CACNA2D3: variants seen among roughly 807,000 people sequenced by gnomAD.
CACNA2D3 encodes the protein calcium voltage-gated channel auxiliary subunit alpha2delta 3, also known as voltage-dependent calcium channel subunit alpha-2/delta-3.
A neutral mutation model predicts 160.6 loss-of-function variants in CACNA2D3; 60 were observed. The observed-to-expected ratio is 0.37, with a 90% CI of 0.30 to 0.46. CACNA2D3 has a LOEUF of 0.46. CACNA2D3 is among the 20% of genes least tolerant of loss of function. CACNA2D3 has a pLI of 1.00. For missense variants in CACNA2D3, 1,205 were observed against 1,365.0 expected, an observed-to-expected ratio of 0.88 and a Z score of 1.85; for synonymous variants, 558 against 492.9, an observed-to-expected ratio of 1.13 and a Z score of -1.75.
chr3:54,318,530 C>G (rs1340065893), intron 2 of CACNA2D3, among the ~76,000 whole-genome samples: 1 of 151,944 alleles, frequency 6.6e-6, no homozygotes, highest in Non-Finnish European at 1.5e-5. Flanking sequence ...TTTCCAGGGT[C>G]AACTTAATGC....
intron 13 of CACNA2D3, among the ~76,000 whole-genome samples, chr3:54,783,654 A>G (rs1295590761): frequency 6.6e-6 from 1 of 151,912 alleles, no homozygotes; most frequent in African/African-American, 2.4e-5. Flanking sequence ...AAATAATGAA[A>G]ACTCTGGAAC....
chr3:54,944,991 C>T (rs895069428), intron 27 of CACNA2D3, among the ~76,000 whole-genome samples: 1 of 152,154 alleles, frequency 6.6e-6, no homozygotes, highest in Non-Finnish European at 1.5e-5. Context: ...CACAAATAGA[C>T]TTTACTATTG....
chr3:54,143,260 T>A (rs1390669622), intron 2 of CACNA2D3, among the ~76,000 whole-genome samples: 1 of 152,218 alleles, frequency 6.6e-6, no homozygotes, highest in Non-Finnish European at 1.5e-5. Flanking sequence ...CAGGTGTGGA[T>A]GTTTTGTATG....
chr3:54,228,420 T>A (rs1701711822), intron 2 of CACNA2D3, among the ~76,000 whole-genome samples: 1 of 152,234 alleles, frequency 6.6e-6, no homozygotes, highest in Admixed American at 6.5e-5. Flanking sequence ...ACAGAATGCA[T>A]ATGAATCACC....
intron 1 of CACNA2D3, 186 bp from the exon 2 acceptor site, chr3:54,123,327 G>T: frequency 1.7e-6 from 1 of 594,168 alleles, no homozygotes; most frequent in Non-Finnish European, 3.0e-6. Flanking sequence ...GCCCCCTCCC[G>T]CGCTGCGCTT....
chr3:54,267,899 A>G (rs1045360848), intron 2 of CACNA2D3, among the ~76,000 whole-genome samples: 22 of 152,172 alleles, frequency 1.4e-4, no homozygotes, highest in Admixed American at 1.0e-3. Context: ...GCTTAAGCTA[A>G]TGGCACTAAA....
In CACNA2D3 at chr3:55,074,212, ACTGAGATGTTCTCTTACTG is replaced by A; in HGVS notation, c.*7_*25del. ...TGATGCTCTTCTCAAGGTGACACTGACTGAGATGTTCTCTTACTGACTGAGATGTTCTCTTGGCATGCTA... is the reference window on the plus strand; with the variant it reads ...TGATGCTCTTCTCAAGGTGACACTGAACTGAGATGTTCTCTTGGCATGCTA... On this transcript the variant is annotated 3_prime_UTR_variant, in exon 38 of 38. Coordinates refer to ENST00000474759, the MANE Select transcript of CACNA2D3 (RefSeq NM_018398.3). The A allele has an allele frequency of 9.8e-7, 1 of 1,021,682 alleles. No homozygotes were observed. The highest frequency in any genetic ancestry group is 1.4e-6 in the Non-Finnish European group (1 of 711,366). 63.3% of individuals were successfully genotyped at this position (1,021,682 alleles called of 1,614,324 possible). A position where few individuals can be genotyped will look rare whatever the true frequency, so the allele number is the denominator to read the frequency against.
chr3:55,033,959 T>A (rs1158675712), intron 35 of CACNA2D3, among the ~76,000 whole-genome samples: 1 of 147,374 alleles, frequency 6.8e-6, no homozygotes, highest in Non-Finnish European at 1.5e-5. Context: ...TGGGGAATGT[T>A]TTCATTTAAT....
rs151179704 is a variant in CACNA2D3 at position 54,370,127 on chromosome 3, G to A, written c.322-16588G>A. 2.4e-3 allele frequency among the ~76,000 whole-genome samples: 364 copies of A among 152,262 alleles called. 3 individuals are homozygous for A. The highest frequency in any genetic ancestry group is 8.0e-3 in the African/African-American group (331 of 41,556). On this transcript the variant is annotated intron_variant, in intron 3 of 37. Transcript: ENST00000474759. ...TAAATTATTATAAGCCTTTCAAAATGTTGTTGCAAATCTATGATCTTTTTC... is the reference window on the plus strand; with the variant it reads ...TAAATTATTATAAGCCTTTCAAAATATTGTTGCAAATCTATGATCTTTTTC...
chr3:54,604,992 A>G (rs531724604), intron 9 of CACNA2D3, among the ~76,000 whole-genome samples: 2 of 152,288 alleles, frequency 1.3e-5, no homozygotes, highest in East Asian at 3.9e-4. Context: ...TCAAATTGTC[A>G]GCAGAGCCAA....
rs138914943 is a variant in CACNA2D3 at position 54,596,069 on chromosome 3, G to A, written c.963+14192G>A. Among the ~76,000 whole-genome samples, 5 of 152,218 alleles carry A rather than the reference G, an allele frequency of 3.3e-5. No homozygotes were observed. The East Asian group carries it at 5.8e-4, about 18-fold the overall frequency. ...GCGGGGGAAGAAGTATCCAGAGACA[G>A]CTTTCTCTTTCAGCACTCCTCATCC... On this transcript the variant is annotated intron_variant, in intron 9 of 37. Transcript: ENST00000474759.
chr3:54,998,127 CTTT>C (rs752805359), intron 31 of CACNA2D3, among the ~76,000 whole-genome samples: 9 of 126,968 alleles, frequency 7.1e-5, no homozygotes, highest in African/African-American at 8.9e-5. Context: ...TCAATTAATT[CTTT>C]TTTTTTTTTT....
At chr3:54,413,446 G>T (rs1227002593) in intron 4 of CACNA2D3, among the ~76,000 whole-genome samples, 2 of 145,564 alleles carry the variant, frequency 1.4e-5, no homozygotes, top group African/African-American at 5.1e-5. Flanking sequence ...ATATCTGCTT[G>T]CTCTGCTTGG....
intron 8 of CACNA2D3, among the ~76,000 whole-genome samples, chr3:54,575,772 G>C (rs932975806): frequency 5.9e-5 from 9 of 152,164 alleles, no homozygotes; most frequent in Admixed American, 5.9e-4. Flanking sequence ...AGATAAGTAG[G>C]CTAGCCAGGC....
chr3:54,179,373 G>T (rs1700738162), intron 2 of CACNA2D3, among the ~76,000 whole-genome samples: 1 of 152,096 alleles, frequency 6.6e-6, no homozygotes, highest in African/African-American at 2.4e-5. Flanking sequence ...AGCTCCTTCT[G>T]CAGGAATTCT....
At chr3:54,350,968 G>GGTTTTTTTTTTT (rs1698542647) in intron 3 of CACNA2D3, among the ~76,000 whole-genome samples, 3 of 56,106 alleles carry the variant, frequency 5.3e-5, no homozygotes, top group Non-Finnish European at 1.0e-4. Context: ...TCTTGAGTCT[G>GGTTTTTTTTTTT]TTTTTTTTTT....
At chr3:54,773,387 C>T (rs903913036) in intron 13 of CACNA2D3, among the ~76,000 whole-genome samples, 7 of 152,134 alleles carry the variant, frequency 4.6e-5, no homozygotes, top group African/African-American at 9.7e-5. Context: ...AAGTTCCAAT[C>T]GTCAAAACAA....
At chr3:54,960,763 G>T (rs1229935510) in intron 27 of CACNA2D3, among the ~76,000 whole-genome samples, 1 of 152,098 alleles carries the variant, frequency 6.6e-6, no homozygotes. Flanking sequence ...GATTTCAGTT[G>T]TCTTTTTTGT....
rs1038103409 is a variant in CACNA2D3, at chr3:54,828,303, G to A, written c.1399-8856G>A. Among the ~76,000 whole-genome samples the A allele has an allele frequency of 2.6e-5, 4 of 152,274 alleles. No individual in the cohort carries two copies. The East Asian group carries it at 5.8e-4, about 22-fold the overall frequency. On this transcript the variant is annotated intron_variant, in intron 14 of 37. Coordinates refer to ENST00000474759, the MANE Select transcript of CACNA2D3 (RefSeq NM_018398.3). ...TCATAAATATTGACCAAAATCCAAT[G>A]CCTCATGATAATTTTCATTGTCATT...
Sources: allele counts gnomAD v4.1 joint callset (sites outside exome capture counted in the v4.1 genomes callset), GRCh38; gene constraint gnomAD v4.1.1; transcripts MANE v1.5; gene names NCBI Gene and HGNC (gene_info 2026-07-23, HGNC 2026-07-21).